The following LINGO2 variants were observed in gnomAD, a reference collection of about 807,000 sequenced individuals.
The protein encoded by LINGO2 is leucine-rich repeat and immunoglobulin-like domain-containing nogo receptor-interacting protein 2.
LINGO2 carries 14 observed loss-of-function variants against 30.6 expected under a neutral mutation model. The observed-to-expected ratio is 0.46, with a 90% CI of 0.30 to 0.72. LINGO2 has a LOEUF of 0.72. Ranked by LOEUF, LINGO2 falls within the 30% of genes least tolerant of loss-of-function variation. LINGO2 has a pLI of 0.07. For synonymous variants in LINGO2, 317 were observed against 288.5 expected (o/e 1.10, Z -1.00); for missense variants, 729 against 751.7 (o/e 0.97, Z 0.35).
At chr9:28,445,164 A>G (rs1824372116) in intron 2 of LINGO2, among the ~76,000 whole-genome samples, 1 of 152,210 alleles carries the variant, frequency 6.6e-6, no homozygotes, top group African/African-American at 2.4e-5. Context: ...CATTCTTAAC[A>G]TGCTACATTT....
chr9:28,429,956 C>T (rs984731762), intron 2 of LINGO2, among the ~76,000 whole-genome samples: 1 of 152,130 alleles, frequency 6.6e-6, no homozygotes, highest in African/African-American at 2.4e-5. Flanking sequence ...CCCTGTAGCA[C>T]CTATGAAGAT....
chr9:28,490,503 CAG>C (rs1306524653), intron 1 of LINGO2, among the ~76,000 whole-genome samples: 9 of 152,178 alleles, frequency 5.9e-5, no homozygotes, highest in Non-Finnish European at 1.0e-4. Context: ...ACAATTTGCA[CAG>C]AGTCATAAAT....
chr9:29,149,781 G>A, the LINGO2 span, among the ~76,000 whole-genome samples: 8 of 152,300 alleles, frequency 5.3e-5, no homozygotes, highest in South Asian at 1.2e-3. Context: ...GCAGCAGAAC[G>A]AAGCCATAGA....
chr9:28,481,939 C>G (rs1372271620), intron 1 of LINGO2, among the ~76,000 whole-genome samples: 1 of 152,144 alleles, frequency 6.6e-6, no homozygotes, highest in Non-Finnish European at 1.5e-5. Flanking sequence ...CATGTCCCTA[C>G]AGAAGACATG....
chr9:28,606,689 C>G (rs575265179), intron 1 of LINGO2, among the ~76,000 whole-genome samples: 1 of 151,838 alleles, frequency 6.6e-6, no homozygotes, highest in Non-Finnish European at 1.5e-5. Context: ...GAAAGGATAC[C>G]AAAACATTTA....
intron 2 of LINGO2, among the ~76,000 whole-genome samples, chr9:28,428,263 G>T (rs909695655): frequency 6.6e-6 from 1 of 152,056 alleles, no homozygotes; most frequent in Non-Finnish European, 1.5e-5. Context: ...AGGAACAAGG[G>T]TTTCTGATAT....
At chr9:28,382,828 C>A (rs1331880) in intron 2 of LINGO2, among the ~76,000 whole-genome samples, 104,935 of 151,876 alleles carry the variant, frequency 0.69, 37,520 homozygotes, top group Non-Finnish European at 0.79. Flanking sequence ...ATAGTGTTTA[C>A]CTCCCTGGAT....
the LINGO2 span, among the ~76,000 whole-genome samples, chr9:28,797,128 C>T: frequency 6.6e-6 from 1 of 151,182 alleles, no homozygotes; most frequent in East Asian, 2.0e-4. Context: ...ATTTAAAATT[C>T]ACAGAGCTTG....
intron 4 of LINGO2, among the ~76,000 whole-genome samples, chr9:28,194,792 TAA>T (rs1819951999): frequency 6.6e-6 from 1 of 151,944 alleles, no homozygotes; most frequent in Admixed American, 6.6e-5. Context: ...TAATTTAACT[TAA>T]GTTTATTTCA....
At chr9:28,180,458 T>A (rs950912569) in intron 4 of LINGO2, among the ~76,000 whole-genome samples, 3 of 152,152 alleles carry the variant, frequency 2.0e-5, no homozygotes, top group African/African-American at 7.2e-5. Context: ...ATTAACATAC[T>A]GATCACTACG....
intron 4 of LINGO2, among the ~76,000 whole-genome samples, chr9:28,145,863 C>G (rs1827798777): frequency 6.6e-6 from 1 of 152,120 alleles, no homozygotes; most frequent in Non-Finnish European, 1.5e-5. Flanking sequence ...GCTCAATACT[C>G]CAGGATTACT....
chr9:27,954,712 A>G (rs779272626), intron 5 of LINGO2, among the ~76,000 whole-genome samples: 5 of 152,178 alleles, frequency 3.3e-5, no homozygotes, highest in Non-Finnish European at 7.4e-5. Flanking sequence ...TGCTGATGAT[A>G]AAGACATACC....
chr9:28,444,688 C>A (rs553247224), intron 2 of LINGO2, among the ~76,000 whole-genome samples: 2 of 152,320 alleles, frequency 1.3e-5, no homozygotes, highest in South Asian at 4.1e-4. Context: ...GTGGAAGTTT[C>A]TTGTGGTATG....
chr9:28,220,114 T>A (rs1411917601), intron 4 of LINGO2, among the ~76,000 whole-genome samples: 2 of 152,140 alleles, frequency 1.3e-5, no homozygotes, highest in Non-Finnish European at 2.9e-5. Context: ...GAGATGACTT[T>A]AAGTTTACAG....
the LINGO2 span, among the ~76,000 whole-genome samples, chr9:28,729,385 C>A: frequency 6.6e-6 from 1 of 151,902 alleles, no homozygotes; most frequent in African/African-American, 2.4e-5. Flanking sequence ...AGAAAATTTT[C>A]TTACATGAAA....
chr9:28,281,903 A>G (rs1823341228), intron 4 of LINGO2, among the ~76,000 whole-genome samples: 2 of 152,102 alleles, frequency 1.3e-5, no homozygotes, highest in African/African-American at 4.8e-5. Flanking sequence ...TGCTTGCTTG[A>G]ACCTGTACCT....
intron 1 of LINGO2, among the ~76,000 whole-genome samples, chr9:28,558,789 C>A (rs1822887022): frequency 6.6e-6 from 1 of 151,902 alleles, no homozygotes; most frequent in Admixed American, 6.6e-5. Flanking sequence ...AAAAATGTTT[C>A]ATTTGTGATC....
chr9:28,704,127 G>C, the LINGO2 span, among the ~76,000 whole-genome samples: 1 of 151,884 alleles, frequency 6.6e-6, no homozygotes, highest in African/African-American at 2.4e-5. Context: ...CAGGTTTATT[G>C]ATGATAACAC....
chr9:28,099,362 G>A (rs1275507168), intron 4 of LINGO2, among the ~76,000 whole-genome samples: 3 of 152,072 alleles, frequency 2.0e-5, no homozygotes, highest in Non-Finnish European at 4.4e-5. Context: ...ATTTGTCTGT[G>A]CTTTCTTGTT....
Sources: gnomAD v4.1 joint callset for allele counts (sites outside exome capture counted in the v4.1 genomes callset) on GRCh38, gnomAD v4.1.1 for gene constraint, MANE v1.5 for transcripts, NCBI Gene and HGNC (gene_info 2026-07-23, HGNC 2026-07-21) for gene names.